SEPTIN12: variants seen among roughly 807,000 people sequenced by gnomAD.
SEPTIN12 encodes the protein septin 12.
Under a neutral mutation model 37.7 loss-of-function variants are expected in SEPTIN12, and 42 were observed. That is an observed-to-expected ratio of 1.11 (90% CI 0.87 to 1.44). The LOEUF is 1.44. SEPTIN12 is among the 40% of genes most tolerant of loss of function. SEPTIN12 has a pLI of 0.00. For missense variants in SEPTIN12, 613 were observed against 479.2 expected, an observed-to-expected ratio of 1.28 and a Z score of -2.61; for synonymous variants, 254 against 196.7, an observed-to-expected ratio of 1.29 and a Z score of -2.44.
At chr16:4,789,796 G>A (rs1269926727), upstream of SEPTIN12, 4 of 152,092 alleles carry the variant, frequency 2.6e-5, no homozygotes, top group Admixed American at 2.6e-4. Flanking sequence ...ATCTCACACA[G>A]TTAATTCTTT....
chr16:4,789,731 T>C (rs2082521168), upstream of SEPTIN12, among the ~76,000 whole-genome samples: 1 of 151,872 alleles, frequency 6.6e-6, no homozygotes. Context: ...AATGCTGAGA[T>C]TACAGACGTG....
intron 8 of SEPTIN12, among the ~76,000 whole-genome samples, chr16:4,778,613 C>T (rs1012336543): frequency 3.3e-4 from 49 of 149,608 alleles, no homozygotes; most frequent in East Asian, 1.4e-3. Context: ...CCAGCCTGGA[C>T]GACATAGTGA....
rs938371313 is a variant in SEPTIN12, at chr16:4,785,816, T to C, written c.365A>G (p.Asn122Ser). The C allele has an allele frequency of 3.7e-6, 6 of 1,606,762 alleles. No homozygotes were observed. The highest frequency in any genetic ancestry group is 8.5e-7 in the Non-Finnish European group (1 of 1,174,966). ...DTPGFGDQIN[N>S]DNCWDPILGY... is the part of the protein sequence containing the mutation. The stretch of plus-strand genomic sequence containing the variant: ...AAGAGAGAGAACCTACCAGTTGTCA[T>C]TGTTGATCTGGTCCCCGAAGCCGGG... Residue 122 changes from asparagine to serine, a missense_variant, in exon 4 of 10, where the codon AAT becomes AGT. Physicochemically the swap from Asn to Ser is conservative, Grantham distance 46 (BLOSUM62 1). Transcript: ENST00000268231.
At chr16:4,791,753 T>G (rs2082554312), upstream of SEPTIN12, among the ~76,000 whole-genome samples, 1 of 152,128 alleles carries the variant, frequency 6.6e-6, no homozygotes, top group African/African-American at 2.4e-5. Flanking sequence ...AGTGGCGAGA[T>G]CTTGGCTCCC....
Position 4,783,955 on chromosome 16 carries a change from T to G in SEPTIN12, c.488A>C (p.Tyr163Ser). The G allele has an allele frequency of 6.2e-7, 1 of 1,614,112 alleles. No individual in the cohort carries two copies. Among genetic ancestry groups the G allele is most frequent in the Non-Finnish European group, 8.5e-7 (1 of 1,179,992 alleles). ...CCAGTGCCCAGTGGGTGGTACAAAGTACACGCAGCAGTGCACCCGGGTGTC... is the reference window on the plus strand; with the variant it reads ...CCAGTGCCCAGTGGGTGGTACAAAGGACACGCAGCAGTGCACCCGGGTGTC... The part of the protein sequence containing the change: ...IPDTRVHCCV[Y>S]FVPPTGHCLR... Residue 163 changes from tyrosine to serine, a missense_variant, in exon 5 of 10, where the codon TAC becomes TCC. Coordinates refer to ENST00000268231, the MANE Select transcript of SEPTIN12 (RefSeq NM_144605.5).
chr16:4,784,408 C>G lies in SEPTIN12; in HGVS notation c.375-340G>C, dbSNP rs970361207. The stretch of plus-strand genomic sequence containing the variant: ...CCTGATGGTTGCAGGGGTCTCCCTC[C>G]TCCTCTTCGAGTCCCTTCCCCTCTT... On this transcript the variant is annotated intron_variant, in intron 4 of 9. Transcript: ENST00000268231. The G allele has an allele frequency of 1.7e-5, 5 of 291,596 alleles. No homozygotes were observed. The Admixed American group carries it at 2.1e-4, about 12-fold the overall frequency. The allele number at this position is 291,596 out of a possible 1,614,324, so 18.1% of individuals were successfully genotyped here.
At position 4,779,717 on chromosome 16, in the gene SEPTIN12, G is replaced by A. The variant is rs750089256; in HGVS notation, c.796C>T (p.Arg266Trp). The A allele has an allele frequency of 1.9e-5, 30 of 1,613,246 alleles. No individual in the cohort carries two copies. The highest frequency in any genetic ancestry group is 5.3e-5 in the African/African-American group (4 of 74,890). ...TCAATGATGCCCCACTTGGTCTTCC[G>A]GCCCAGGACACACCTCCCGTTCACC... ...HLVNGRCVLG[R>W]KTKWGIIEVE... is the part of the protein sequence containing the mutation. Residue 266 changes from arginine (R) to tryptophan (W), a missense_variant, in exon 8 of 10, where the codon CGG becomes TGG. Physicochemically the swap from Arg to Trp is moderately radical, Grantham distance 101 (BLOSUM62 -3). Coordinates refer to ENST00000268231, the MANE Select transcript of SEPTIN12 (RefSeq NM_144605.5).
upstream of SEPTIN12, chr16:4,789,868 A>C (rs951368169): frequency 2.6e-5 from 4 of 150,982 alleles, no homozygotes; most frequent in Non-Finnish European, 5.9e-5. Flanking sequence ...CTATTGGCAA[A>C]TGTTTTCTCT....
At chr16:4,786,208 C>T in intron 2 of SEPTIN12, 103 bp from the exon 3 acceptor site, 8 of 1,421,992 alleles carry the variant, frequency 5.6e-6, no homozygotes, top group Non-Finnish European at 7.5e-6. Context: ...GGTTCTCACT[C>T]TGTCACCCAG....
chr16:4,782,097 C>T lies in SEPTIN12; in HGVS notation c.726+1365G>A, dbSNP rs533526026. Among the ~76,000 whole-genome samples, 59 of 151,680 alleles carry T rather than the reference C, an allele frequency of 3.9e-4. No individual in the cohort carries two copies. The East Asian group carries it at 0.011, about 28-fold the overall frequency. On this transcript the variant is annotated intron_variant, in intron 7 of 9. Coordinates refer to ENST00000268231, the MANE Select transcript of SEPTIN12 (RefSeq NM_144605.5). ...TCCCCAGTAGCTGGGATTACAGGTG[C>T]GTGCCACCACACGCAGCTAATTTTG...
At chr16:4,785,030 C>T (rs528389413) in intron 4 of SEPTIN12, among the ~76,000 whole-genome samples, 3 of 151,498 alleles carry the variant, frequency 2.0e-5, no homozygotes, top group South Asian at 2.1e-4. Context: ...GCGGACCACC[C>T]GAGGTCAGGA....
chr16:4,787,694 G>C, intron 1 of SEPTIN12, 27 bp from the exon 2 acceptor site: 2 of 966,512 alleles, frequency 2.1e-6, no homozygotes, highest in Middle Eastern at 2.6e-4. Context: ...GGGGAGAAGG[G>C]GGTCACTGGG....
In SEPTIN12 at chr16:4,785,908, T is replaced by C. The variant is rs1433144292; in HGVS notation, c.293-20A>G. ...CTATGACTGTGGAGGGAGAGCAGAG[T>C]CGGGAGAGACTGGACCCAGGTGGGA... is the stretch of plus-strand genomic sequence containing the variant. On this transcript the variant is annotated intron_variant, in intron 3 of 9. Transcript: ENST00000268231. 2 of 1,388,598 alleles carry C rather than the reference T, an allele frequency of 1.4e-6. No individual in the cohort carries two copies. Among genetic ancestry groups the C allele is most frequent in the Non-Finnish European group, 1.9e-6 (2 of 1,027,310 alleles). The allele number at this position is 1,388,598 out of a possible 1,614,324, so 86.0% of individuals were successfully genotyped here.
intron 7 of SEPTIN12, among the ~76,000 whole-genome samples, chr16:4,782,263 T>C (rs2141870277): frequency 6.6e-6 from 1 of 152,202 alleles, no homozygotes; most frequent in South Asian, 2.1e-4. Context: ...AACTGTACAC[T>C]TTTAAAGGGT....
chr16:4,782,697 A>T (rs918180305), intron 7 of SEPTIN12, among the ~76,000 whole-genome samples: 1 of 150,278 alleles, frequency 6.7e-6, no homozygotes, highest in African/African-American at 2.5e-5. Flanking sequence ...TCCACCTCCA[A>T]GATTCAACCG....
chr16:4,778,289 C>T lies in SEPTIN12; in HGVS notation c.824-152G>A, dbSNP rs1032480963. On this transcript the variant is annotated intron_variant, in intron 8 of 9. Coordinates refer to ENST00000268231, the MANE Select transcript of SEPTIN12 (RefSeq NM_144605.5). ...CCCTTTGTTGGTTCATTCATTCATT[C>T]ACCCACTGTTGTGTTCCCAGTGCCT... The T allele has an allele frequency of 4.8e-6, 4 of 826,108 alleles. No individual in the cohort carries two copies. In the African/African-American group the frequency reaches 5.0e-5, roughly 10 times the overall value. 51.2% of individuals were successfully genotyped at this position (826,108 alleles called of 1,614,324 possible).
At position 4,783,698 on chromosome 16, in the gene SEPTIN12, G is replaced by C. The variant is rs770785319; in HGVS notation, c.581C>G (p.Ala194Gly). The C allele has an allele frequency of 3.1e-6, 5 of 1,614,068 alleles. No individual in the cohort carries two copies. Among genetic ancestry groups the C allele is most frequent in the Non-Finnish European group, 4.2e-6 (5 of 1,180,014 alleles). The change falls in exon 6 of 10, where the codon GCC becomes GGC. Residue 194 changes from alanine to glycine, a missense_variant. Coordinates refer to ENST00000268231, the MANE Select transcript of SEPTIN12 (RefSeq NM_144605.5). Reference protein sequence around the residue: ...CRTVNVVPVIARADSLTMEER... With the variant: ...CRTVNVVPVIGRADSLTMEER... ...CTCCATGGTCAGGCTGTCGGCCCTG[G>C]CAATCACGGGCACCACATTCACAGT... is the stretch of plus-strand genomic sequence containing the variant.
chr16:4,779,932 A>G (rs745609541), intron 7 of SEPTIN12, 146 bp from the exon 8 acceptor site: 9 of 672,166 alleles, frequency 1.3e-5, no homozygotes, highest in Non-Finnish European at 2.4e-5. Context: ...CCCAAGTTCA[A>G]AGACATAAAG....
In SEPTIN12 at chr16:4,783,768, T is replaced by TGCC. The variant is rs1290519163; in HGVS notation, c.513-5_513-3dup. ...AACTCAATGTCCAGGGGCCGCAGGC[T>TGCC]GCCGGAGGCAGGGCAGTGATGGGGG... On this transcript the variant is annotated splice_polypyrimidine_tract_variant and splice_region_variant and intron_variant, in intron 5 of 9. Coordinates refer to ENST00000268231, the MANE Select transcript of SEPTIN12 (RefSeq NM_144605.5). 6.2e-7 allele frequency: 1 copy of TGCC among 1,613,554 alleles called. No individual in the cohort carries two copies. Among genetic ancestry groups the TGCC allele is most frequent in the South Asian group, 1.1e-5 (1 of 91,056 alleles).
Sources: allele counts gnomAD v4.1 joint callset (sites outside exome capture counted in the v4.1 genomes callset), GRCh38; gene constraint gnomAD v4.1.1; transcripts MANE v1.5; gene names NCBI Gene and HGNC (gene_info 2026-07-23, HGNC 2026-07-21).